The following WDR11 variants were observed in gnomAD, a reference collection of about 807,000 sequenced individuals.
The protein encoded by WDR11 is WD repeat-containing protein 11.
A neutral mutation model predicts 151.2 loss-of-function variants in WDR11; 83 were observed. The observed-to-expected ratio is 0.55, with a 90% CI of 0.46 to 0.66. The LOEUF (loss-of-function observed/expected upper bound fraction) is 0.66. WDR11 is among the 30% of genes least tolerant of loss of function. The pLI is 0.00. For synonymous variants in WDR11, 484 were observed against 533.1 expected, an observed-to-expected ratio of 0.91 and a Z score of 1.27; for missense variants, 1,301 against 1,480.9, an observed-to-expected ratio of 0.88 and a Z score of 1.99.
chr10:120,871,437 G>A, intron 10 of WDR11, 91 bp downstream of exon 10: 2 of 1,374,580 alleles, frequency 1.5e-6, no homozygotes, highest in South Asian at 1.3e-5. Flanking sequence ...TTCTTTTTGA[G>A]GATGCTTTAA....
chr10:120,891,634 C>G (rs747342306), intron 19 of WDR11, among the ~76,000 whole-genome samples: 1 of 152,200 alleles, frequency 6.6e-6, no homozygotes, highest in Admixed American at 6.5e-5. Flanking sequence ...GGTGCACACT[C>G]TAGGCTGATA....
rs1274209346 is a variant in WDR11 at position 120,904,027 on chromosome 10, T to A, written c.2932-20T>A. On this transcript the variant is annotated intron_variant, in intron 23 of 28. Coordinates refer to ENST00000263461, the MANE Select transcript of WDR11 (RefSeq NM_018117.12). ...ACTCTTATAATCCAGGCTTAATTTTTCTTTTTTTTCCAATTCTAGAAATTT... is the reference window on the plus strand; with the variant it reads ...ACTCTTATAATCCAGGCTTAATTTTACTTTTTTTTCCAATTCTAGAAATTT... The A allele has an allele frequency of 2.0e-6, 3 of 1,517,172 alleles. No individual in the cohort carries two copies. The highest frequency in any genetic ancestry group is 2.2e-5 in the South Asian group (2 of 88,998). The allele number at this position is 1,517,172 out of a possible 1,614,324, so 94.0% of individuals were successfully genotyped here. A position where few individuals can be genotyped will look rare whatever the true frequency, so the allele number is the denominator to read the frequency against.
chr10:120,898,727 C>T (rs1383926080), intron 19 of WDR11, among the ~76,000 whole-genome samples: 1 of 152,152 alleles, frequency 6.6e-6, no homozygotes, highest in Non-Finnish European at 1.5e-5. Context: ...CTCCTGCTGC[C>T]ATGTAAGATG....
At chr10:120,880,096 C>G (rs992395861) in intron 12 of WDR11, 1 of 152,060 alleles carries the variant, frequency 6.6e-6, no homozygotes, top group South Asian at 2.1e-4. Context: ...GAGTTTTTCC[C>G]CCACTAGTTA....
In WDR11 at chr10:120,890,187, GATTT is replaced by G. The variant is rs71929750; in HGVS notation, c.2343+203_2343+206del. ...TTGTGTTCTAAAGGTAACAACTCAA[GATTT>G]ATTTATTTATTTATTTATTTATTTT... On this transcript the variant is annotated intron_variant, in intron 18 of 28. Coordinates refer to ENST00000263461, the MANE Select transcript of WDR11 (RefSeq NM_018117.12). Among the ~76,000 whole-genome samples the G allele has an allele frequency of 0.31, 46,551 of 150,870 alleles. 7,432 individuals are homozygous for G. Among genetic ancestry groups the G allele is most frequent in the Admixed American group, 0.41 (6,256 of 15,150 alleles).
At chr10:120,880,653 T>C in intron 12 of WDR11, 173 bp from the exon 13 acceptor site, 2 of 596,108 alleles carry the variant, frequency 3.4e-6, no homozygotes, top group Non-Finnish European at 5.7e-6. Context: ...AGTGAGACCA[T>C]CTCAAAAAAA....
intron 19 of WDR11, among the ~76,000 whole-genome samples, chr10:120,892,976 C>G (rs1847477067): frequency 6.6e-6 from 1 of 151,328 alleles, no homozygotes; most frequent in Non-Finnish European, 1.5e-5. Context: ...ATATCAGGGA[C>G]TGTTCAACCT....
At chr10:120,867,009 T>G in intron 8 of WDR11, 57 bp from the exon 9 acceptor site, 1 of 1,388,388 alleles carries the variant, frequency 7.2e-7, no homozygotes, top group African/African-American at 1.4e-5. Flanking sequence ...TTTGAATTCC[T>G]AATACGTAAT....
At chr10:120,881,528 T>G (rs1292593972) in intron 13 of WDR11, among the ~76,000 whole-genome samples, 11 of 152,306 alleles carry the variant, frequency 7.2e-5, no homozygotes, top group African/African-American at 2.6e-4. Flanking sequence ...ACATGGTATG[T>G]CTCTCCACTT....
chr10:120,879,887 A>C (rs1161302029), intron 12 of WDR11: 1 of 152,212 alleles, frequency 6.6e-6, no homozygotes, highest in Non-Finnish European at 1.5e-5. Flanking sequence ...TAAAACATAC[A>C]AGGTAGAATT....
intron 13 of WDR11, 44 bp from the exon 14 acceptor site, chr10:120,883,736 A>AT: frequency 6.3e-7 from 1 of 1,578,904 alleles, no homozygotes; most frequent in Non-Finnish European, 8.7e-7. Flanking sequence ...TCATGGTGAA[A>AT]TTTTTGCAAA....
chr10:120,860,384 T>C lies in WDR11; in HGVS notation c.526+102T>C, dbSNP rs918367970. On this transcript the variant is annotated intron_variant, in intron 4 of 28. Coordinates refer to ENST00000263461, the MANE Select transcript of WDR11 (RefSeq NM_018117.12). ...CACACACATTATACATCTATAATGT[T>C]AAAATGACTGAGCGAAGTGGAGAAG... The C allele has an allele frequency of 7.5e-6, 10 of 1,335,456 alleles. No homozygotes were observed. In the African/African-American group the frequency reaches 1.2e-4, roughly 16 times the overall value. The allele number at this position is 1,335,456 out of a possible 1,614,324, so 82.7% of individuals were successfully genotyped here. A position where few individuals can be genotyped will look rare whatever the true frequency, so the allele number is the denominator to read the frequency against.
intron 7 of WDR11, 141 bp downstream of exon 7, chr10:120,865,885 C>G: frequency 1.6e-6 from 1 of 634,440 alleles, no homozygotes; most frequent in Non-Finnish European, 2.8e-6. Context: ...TAATAAGAGG[C>G]ATAAAAAGTA....
At position 120,871,018 on chromosome 10, in the gene WDR11, A is replaced by C. The variant is rs996015606; in HGVS notation, c.1295-152A>C. The C allele has an allele frequency of 1.6e-5, 12 of 769,332 alleles. No homozygotes were observed. In the African/African-American group the frequency reaches 1.9e-4, roughly 12 times the overall value. The allele number at this position is 769,332 out of a possible 1,614,324, so 47.7% of individuals were successfully genotyped here. A position where few individuals can be genotyped will look rare whatever the true frequency, so the allele number is the denominator to read the frequency against. The stretch of plus-strand genomic sequence containing the variant: ...AAGTCCTATAGCCAGGTACAGAGTC[A>C]TTGTGTCCTTAATAACTACAGCCAC... On this transcript the variant is annotated intron_variant, in intron 9 of 28. Coordinates refer to ENST00000263461, the MANE Select transcript of WDR11 (RefSeq NM_018117.12).
chr10:120,882,713 C>G (rs891923546), intron 13 of WDR11, among the ~76,000 whole-genome samples: 3 of 151,908 alleles, frequency 2.0e-5, no homozygotes, highest in Non-Finnish European at 4.4e-5. Context: ...TTTCCCACTC[C>G]TAATATCAGT....
rs755056701 is a variant in WDR11 at position 120,904,693 on chromosome 10, G to C, written c.3075G>C (p.Gln1025His). The change falls in exon 25 of 29, where the codon CAG becomes CAC. Residue 1025 changes from glutamine (Q) to histidine (H), a missense_variant. Gln to His is a conservative substitution (Grantham distance 24, BLOSUM62 0). This residue lies in a region of WDR11 where 589 missense variants were observed against 670.6 expected (regional missense o/e 0.88). Coordinates refer to ENST00000263461, the MANE Select transcript of WDR11 (RefSeq NM_018117.12). ...TGTTGGAAACAAGTGCAGATAACCA[G>C]CATTATTACTGTGATTCACTGAAAG... ...QLLLETSADN[Q>H]HYYCDSLKAC... 1 of 1,614,154 alleles carries C rather than the reference G, an allele frequency of 6.2e-7. No homozygotes were observed. Among genetic ancestry groups the C allele is most frequent in the African/African-American group, 1.3e-5 (1 of 75,026 alleles).
At chr10:120,868,450 C>G (rs141247230) in intron 9 of WDR11, among the ~76,000 whole-genome samples, 14 of 151,838 alleles carry the variant, frequency 9.2e-5, no homozygotes, top group Non-Finnish European at 1.6e-4. Flanking sequence ...GAGCGAGACT[C>G]GATCTCAAAA....
chr10:120,851,721 C>G, intron 1 of WDR11: 1 of 618,878 alleles, frequency 1.6e-6, no homozygotes, highest in South Asian at 1.9e-5. Flanking sequence ...ATACATTTCC[C>G]CTCTTTCTCG....
At position 120,908,842 on chromosome 10, in the gene WDR11, A is replaced by AAGACT; in HGVS notation, c.*131_*135dup. 1 of 914,008 alleles carries AAGACT rather than the reference A, an allele frequency of 1.1e-6. No homozygotes were observed. 56.6% of individuals were successfully genotyped at this position (914,008 alleles called of 1,614,324 possible). On this transcript the variant is annotated 3_prime_UTR_variant, in exon 29 of 29. Transcript: ENST00000263461. Reference sequence around the variant, plus strand: ...CTGTGAGCTGTTTGACCACTGTTCTAAGACTATGTGTGCCCAAAAGCACAT... The same window carrying AAGACT: ...CTGTGAGCTGTTTGACCACTGTTCTAAGACTAGACTATGTGTGCCCAAAAGCACAT...
Sources: allele counts gnomAD v4.1 joint callset (sites outside exome capture counted in the v4.1 genomes callset), GRCh38; gene constraint gnomAD v4.1.1; regional missense constraint gnomAD v4.1.1; transcripts MANE v1.5; gene names NCBI Gene and HGNC (gene_info 2026-07-23, HGNC 2026-07-21).